Variants in DAB1 observed in about 807,000 individuals in gnomAD.
DAB1 encodes DAB adaptor protein 1, also known as disabled homolog 1.
DAB1 carries 15 observed loss-of-function variants against 64.6 expected under a neutral mutation model. The ratio of observed to expected loss-of-function variants is 0.23; its 90% CI spans 0.16 to 0.36. The LOEUF is 0.36. DAB1 is among the 10% of genes least tolerant of loss of function. DAB1 has a pLI of 1.00. For missense variants in DAB1, 596 were observed against 706.7 expected (o/e 0.84, Z 1.78); for synonymous variants, 235 against 251.9 (o/e 0.93, Z 0.64).
intron 6 of DAB1, among the ~76,000 whole-genome samples, chr1:57,713,178 A>T (rs1189877377): frequency 1.3e-5 from 2 of 152,188 alleles, no homozygotes; most frequent in Admixed American, 1.3e-4. Flanking sequence ...ATTTAAGTTC[A>T]TGAAACCTAA....
At chr1:58,540,960 A>C (rs1396433004) in intron 1 of DAB1, among the ~76,000 whole-genome samples, 1 of 152,164 alleles carries the variant, frequency 6.6e-6, no homozygotes, top group Non-Finnish European at 1.5e-5. Flanking sequence ...CTTAAAATCA[A>C]TGAAAGATAA....
At chr1:57,857,326 C>G (rs953566537) in intron 1 of DAB1, among the ~76,000 whole-genome samples, 1 of 152,146 alleles carries the variant, frequency 6.6e-6, no homozygotes, top group Non-Finnish European at 1.5e-5. Flanking sequence ...AGGAAGTAAT[C>G]TCTGAATGAC....
At chr1:57,750,050 T>C (rs1478722442) in intron 6 of DAB1, among the ~76,000 whole-genome samples, 1 of 152,178 alleles carries the variant, frequency 6.6e-6, no homozygotes, top group Admixed American at 6.5e-5. Flanking sequence ...GAATGTCTCA[T>C]TGGTGCACTG....
intron 6 of DAB1, among the ~76,000 whole-genome samples, chr1:57,785,073 A>C (rs1394105621): frequency 6.6e-6 from 1 of 152,212 alleles, no homozygotes; most frequent in African/African-American, 2.4e-5. Flanking sequence ...CTTCAGAATT[A>C]TGCTAAATCT....
intron 3 of DAB1, among the ~76,000 whole-genome samples, chr1:58,350,673 T>C (rs1217093620): frequency 6.6e-6 from 1 of 152,232 alleles, no homozygotes; most frequent in Non-Finnish European, 1.5e-5. Context: ...GTTTTCTGCA[T>C]ATGCCTAGCC....
intron 6 of DAB1, among the ~76,000 whole-genome samples, chr1:57,679,692 C>CAT (rs1403210832): frequency 2.0e-5 from 3 of 152,142 alleles, no homozygotes; most frequent in Non-Finnish European, 4.4e-5. Flanking sequence ...TCCAGGCCAT[C>CAT]ATATATATAA....
At chr1:58,333,931 T>C (rs1159923494) in intron 4 of DAB1, among the ~76,000 whole-genome samples, 2 of 152,238 alleles carry the variant, frequency 1.3e-5, no homozygotes, top group Non-Finnish European at 2.9e-5. Flanking sequence ...CTTTTGTTAT[T>C]TGTGCCTTGT....
chr1:57,137,493 T>C (rs1410578487), intron 3 of DAB1, among the ~76,000 whole-genome samples: 2 of 152,114 alleles, frequency 1.3e-5, no homozygotes, highest in South Asian at 2.1e-4. Flanking sequence ...GCTTTCGAAA[T>C]TAGATTCTGT....
intron 2 of DAB1, among the ~76,000 whole-genome samples, chr1:57,274,789 C>T (rs1421086030): frequency 2.0e-5 from 3 of 152,108 alleles, no homozygotes; most frequent in Admixed American, 1.3e-4. Flanking sequence ...ACCATGTTGG[C>T]CAGGCTGGTC....
At chr1:57,974,845 G>A (rs149507693) in intron 5 of DAB1, among the ~76,000 whole-genome samples, 56 of 151,966 alleles carry the variant, frequency 3.7e-4, no homozygotes, top group Non-Finnish European at 6.0e-4. Context: ...TAGATATATA[G>A]TAATCCATAT....
chr1:57,553,633 T>A (rs963422130), intron 7 of DAB1, among the ~76,000 whole-genome samples: 2 of 151,706 alleles, frequency 1.3e-5, no homozygotes, highest in African/African-American at 2.4e-5. Flanking sequence ...ATCACACCAC[T>A]GCACTCTAGC....
At chr1:57,872,106 C>CCAGATGTAG (rs1468680271) in intron 1 of DAB1, among the ~76,000 whole-genome samples, 1 of 152,070 alleles carries the variant, frequency 6.6e-6, no homozygotes, top group Non-Finnish European at 1.5e-5. Context: ...TATCAGAATG[C>CCAGATGTAG]CAGATGTAGA....
chr1:58,463,787 A>G (rs1473045284), intron 3 of DAB1, among the ~76,000 whole-genome samples: 6 of 152,248 alleles, frequency 3.9e-5, no homozygotes, highest in Non-Finnish European at 8.8e-5. Context: ...GTGTGAGTCC[A>G]TGGCATCACA....
intron 6 of DAB1, among the ~76,000 whole-genome samples, chr1:57,787,194 C>T (rs973930534): frequency 6.6e-6 from 1 of 152,110 alleles, no homozygotes; most frequent in South Asian, 2.1e-4. Context: ...ATGTAAATAT[C>T]TAATATGGCC....
At chr1:58,511,587 T>C (rs1409607389) in intron 2 of DAB1, among the ~76,000 whole-genome samples, 17 of 151,848 alleles carry the variant, frequency 1.1e-4, no homozygotes, top group Non-Finnish European at 2.9e-5. Flanking sequence ...TGTGATCACA[T>C]CACTGCACTC....
At chr1:57,322,199 A>C (rs936819899) in intron 1 of DAB1, among the ~76,000 whole-genome samples, 1 of 152,180 alleles carries the variant, frequency 6.6e-6, no homozygotes, top group African/African-American at 2.4e-5. Context: ...ATGACGTGAT[A>C]TCTACATTAT....
At chr1:58,017,911 C>G (rs1204989003) in intron 5 of DAB1, among the ~76,000 whole-genome samples, 1 of 152,186 alleles carries the variant, frequency 6.6e-6, no homozygotes, top group African/African-American at 2.4e-5. Context: ...AGGCTGCAGC[C>G]CAGCACTGTG....
At chr1:57,472,353 A>C (rs1309944412) in intron 7 of DAB1, among the ~76,000 whole-genome samples, 1 of 152,226 alleles carries the variant, frequency 6.6e-6, no homozygotes, top group Non-Finnish European at 1.5e-5. Context: ...TTTTACTTTG[A>C]AACTAAGGGA....
At chr1:57,827,557 T>G (rs907187404) in intron 1 of DAB1, among the ~76,000 whole-genome samples, 1 of 152,172 alleles carries the variant, frequency 6.6e-6, no homozygotes, top group East Asian at 1.9e-4. Context: ...TGGTGAAGAT[T>G]TAACACAGTG....
Sources: gnomAD v4.1 joint callset for allele counts (sites outside exome capture counted in the v4.1 genomes callset) on GRCh38, gnomAD v4.1.1 for gene constraint, MANE v1.5 for transcripts, NCBI Gene and HGNC (gene_info 2026-07-23, HGNC 2026-07-21) for gene names.